The following NHS variants were observed in gnomAD, a reference collection of about 807,000 sequenced individuals.
NHS encodes the protein NHS actin remodeling regulator.
In NHS, 5 loss-of-function variants were observed where a neutral mutation model predicts 72.5. That is an observed-to-expected ratio of 0.07 (90% CI 0.04 to 0.14). NHS has a LOEUF of 0.14. Ranked by LOEUF, NHS falls within the 10% of genes least tolerant of loss-of-function variation. The pLI is 1.00. For synonymous variants in NHS, 464 were observed against 547.7 expected, an observed-to-expected ratio of 0.85 and a Z score of 2.13; for missense variants, 1,072 against 1,355.7, an observed-to-expected ratio of 0.79 and a Z score of 3.29.
chrX:17,721,777 G>A (rs2066407953), intron 5 of NHS, 144 bp downstream of exon 5: 3 of 507,337 alleles, frequency 5.9e-6, no homozygotes, highest in Non-Finnish European at 9.3e-6. Flanking sequence ...GAGGATGTTC[G>A]ATATGCTTTT....
intron 1 of NHS, among the ~76,000 whole-genome samples, chrX:17,535,025 G>A (rs976481545): frequency 8.9e-6 from 1 of 112,253 alleles, no homozygotes; most frequent in African/African-American, 3.2e-5. Context: ...TCTGAGCTGT[G>A]TACTACAGTG....
At chrX:17,429,504 A>G (rs1014360515) in intron 1 of NHS, among the ~76,000 whole-genome samples, 1 of 111,170 alleles carries the variant, frequency 9.0e-6, no homozygotes, top group African/African-American at 3.3e-5. Context: ...TTTGTCTGAA[A>G]CACACATGCA....
intron 1 of NHS, among the ~76,000 whole-genome samples, chrX:17,580,068 T>TCATG (rs1362930009): frequency 2.7e-5 from 3 of 110,342 alleles, no homozygotes; most frequent in African/African-American, 9.9e-5. Context: ...TGCACCTGAA[T>TCATG]CATCCTTTCA....
chrX:17,703,873 G>A (rs1474751539), intron 3 of NHS, among the ~76,000 whole-genome samples: 2 of 111,841 alleles, frequency 1.8e-5, no homozygotes, highest in Non-Finnish European at 3.8e-5. Flanking sequence ...TCAATAGAGT[G>A]CCCAGCCTCC....
chrX:17,664,855 A>G (rs1166583482), intron 1 of NHS, among the ~76,000 whole-genome samples: 1 of 111,504 alleles, frequency 9.0e-6, no homozygotes, highest in Non-Finnish European at 1.9e-5. Flanking sequence ...GCTTTTGATC[A>G]TATAGGTCTT....
At chrX:17,502,999 C>T (rs1455436143) in intron 1 of NHS, among the ~76,000 whole-genome samples, 1 of 111,730 alleles carries the variant, frequency 9.0e-6, no homozygotes, top group Non-Finnish European at 1.9e-5. Flanking sequence ...CCTGAGTCTA[C>T]AGTTCCCACC....
At chrX:17,463,542 G>A (rs1344577200) in intron 1 of NHS, among the ~76,000 whole-genome samples, 2 of 111,320 alleles carry the variant, frequency 1.8e-5, no homozygotes, top group Non-Finnish European at 3.8e-5. Context: ...CAGATAAATA[G>A]GATATTATTG....
intron 6 of NHS, among the ~76,000 whole-genome samples, chrX:17,724,652 G>A (rs1024596692): frequency 8.9e-6 from 1 of 111,998 alleles, no homozygotes; most frequent in Non-Finnish European, 1.9e-5. Context: ...CAGGTCTTAC[G>A]GCTGAAATGT....
intron 3 of NHS, among the ~76,000 whole-genome samples, chrX:17,708,330 A>G (rs1297486024): frequency 3.6e-5 from 4 of 111,659 alleles, no homozygotes; most frequent in African/African-American, 6.5e-5. Flanking sequence ...AATCCTTTGC[A>G]CGGACCATAG....
At chrX:17,725,230 T>G (rs1394770889) in intron 6 of NHS, 117 bp from the exon 7 acceptor site, 9 of 659,893 alleles carry the variant, frequency 1.4e-5, no homozygotes, top group Non-Finnish European at 2.1e-5. Context: ...TTTTTTCTGT[T>G]AAAGAAAAAA....
At position 17,637,866 on chromosome X, in the gene NHS, T is replaced by C. The variant is rs753306362; in HGVS notation, c.566-49876T>C. On this transcript the variant is annotated intron_variant, in intron 1 of 8. Coordinates refer to ENST00000676302, the MANE Select transcript of NHS (RefSeq NM_001291867.2). ...AAACAAACTCTCTGTTTTCTTTCCT[T>C]CTCGACCCCTGCCAAATTTCCCCAA... Among the ~76,000 whole-genome samples, 16 of 111,928 alleles carry C rather than the reference T, an allele frequency of 1.4e-4. No homozygotes were observed. The East Asian group carries it at 3.9e-3, about 28-fold the overall frequency.
chrX:17,507,710 TAGACAAAACTGCTAA>T (rs2065066021), intron 1 of NHS, among the ~76,000 whole-genome samples: 1 of 112,188 alleles, frequency 8.9e-6, no homozygotes, highest in Admixed American at 9.5e-5. Flanking sequence ...GCCCAAGACA[TAGACAAAACTGCTAA>T]AGGGTTTTGG....
chrX:17,714,156 T>G, intron 3 of NHS, among the ~76,000 whole-genome samples: 1 of 110,548 alleles, frequency 9.0e-6, no homozygotes, highest in Middle Eastern at 4.2e-3. Context: ...ACTCTTTTTT[T>G]TTTTTTTGTA....
At chrX:17,600,081 G>C (rs2065641886) in intron 1 of NHS, among the ~76,000 whole-genome samples, 1 of 111,511 alleles carries the variant, frequency 9.0e-6, no homozygotes, top group African/African-American at 3.3e-5. Flanking sequence ...TTCTGGGCTG[G>C]GCAGCTAGTA....
intron 1 of NHS, among the ~76,000 whole-genome samples, chrX:17,658,567 T>A (rs1033719251): frequency 8.9e-6 from 1 of 112,177 alleles, no homozygotes; most frequent in African/African-American, 3.2e-5. Context: ...CTTTGAGATA[T>A]CCATCATTCC....
chrX:17,636,708 C>T (rs1337558805), intron 1 of NHS, among the ~76,000 whole-genome samples: 1 of 112,273 alleles, frequency 8.9e-6, no homozygotes, highest in Non-Finnish European at 1.9e-5. Flanking sequence ...TCTGAGAACA[C>T]TCTCTCTGAG....
intron 1 of NHS, among the ~76,000 whole-genome samples, chrX:17,389,109 T>TGTCC (rs772973506): frequency 1.1e-3 from 120 of 112,181 alleles, no homozygotes; most frequent in African/African-American, 3.4e-3. Flanking sequence ...ATTTAAAAAG[T>TGTCC]GTCCTAACTA....
rs1263951176 is a variant in NHS at position 17,489,366 on chromosome X, C to T, written c.565+113044C>T. On this transcript the variant is annotated intron_variant, in intron 1 of 8. Coordinates refer to ENST00000676302, the MANE Select transcript of NHS (RefSeq NM_001291867.2). Reference sequence around the variant, plus strand: ...GTTCTAGATCCTTAAGGAATCGCCACACTGACTTCCACAATGGTTGAACTA... The same window carrying T: ...GTTCTAGATCCTTAAGGAATCGCCATACTGACTTCCACAATGGTTGAACTA... Among the ~76,000 whole-genome samples the T allele has an allele frequency of 3.6e-5, 4 of 112,499 alleles. No homozygotes were observed. The South Asian group carries it at 1.5e-3, about 41-fold the overall frequency.
intron 1 of NHS, among the ~76,000 whole-genome samples, chrX:17,682,773 C>T (rs751437826): frequency 8.1e-5 from 9 of 110,631 alleles, no homozygotes; most frequent in East Asian, 2.9e-4. Flanking sequence ...GCACTGCTCC[C>T]GGGGGCATAA....
Sources: allele counts gnomAD v4.1 joint callset (sites outside exome capture counted in the v4.1 genomes callset), GRCh38; gene constraint gnomAD v4.1.1; transcripts MANE v1.5; gene names NCBI Gene and HGNC (gene_info 2026-07-23, HGNC 2026-07-21).